Variants in DNTT observed in about 807,000 individuals in gnomAD.
DNTT encodes DNA nucleotidylexotransferase.
In DNTT, 47 loss-of-function variants were observed where a neutral mutation model predicts 60.9. That is an observed-to-expected ratio of 0.77 (90% CI 0.61 to 0.98). The LOEUF is 0.98. Ranked by LOEUF, DNTT falls within the 50% of genes least tolerant of loss-of-function variation. DNTT has a pLI of 0.00. For missense variants in DNTT, 665 were observed against 627.5 expected, an observed-to-expected ratio of 1.06 and a Z score of -0.64; for synonymous variants, 224 against 221.2, an observed-to-expected ratio of 1.01 and a Z score of -0.11.
At chr10:96,315,835 T>A (rs1844779748) in intron 1 of DNTT, among the ~76,000 whole-genome samples, 1 of 152,142 alleles carries the variant, frequency 6.6e-6, no homozygotes, top group African/African-American at 2.4e-5. Context: ...ACACTTCCTA[T>A]TAATCCTTGA....
At chr10:96,322,040 G>A (rs1281792710) in intron 4 of DNTT, among the ~76,000 whole-genome samples, 7 of 152,094 alleles carry the variant, frequency 4.6e-5, no homozygotes, top group South Asian at 2.1e-4. Flanking sequence ...GCAGTGGTGC[G>A]TTTGACATGA....
rs74153626 is a variant in DNTT, at chr10:96,304,707, C to G, written c.203+7C>G. ...GGGTTGAAAATGAGCTCAGGTAGGA[C>G]AGCATCGATCTTGCTTTGTAAATAA... On this transcript the variant is annotated splice_region_variant and intron_variant, in intron 1 of 10. Transcript: ENST00000371174. 4.2e-3 allele frequency: 6,720 copies of G among 1,612,090 alleles called. 250 individuals are homozygous for G. In the African/African-American group the frequency reaches 0.078, roughly 19 times the overall value.
intron 10 of DNTT, among the ~76,000 whole-genome samples, chr10:96,336,498 T>A (rs1049791378): frequency 3.3e-5 from 5 of 152,184 alleles, no homozygotes; most frequent in African/African-American, 1.2e-4. Context: ...GTGGTCATGA[T>A]CCAATTCATC....
intron 9 of DNTT, among the ~76,000 whole-genome samples, chr10:96,332,811 C>G (rs554158864): frequency 1.3e-5 from 2 of 152,302 alleles, no homozygotes; most frequent in South Asian, 4.1e-4. Flanking sequence ...GTCCCCAACA[C>G]CAGCAGCAGC....
chr10:96,307,633 C>T (rs1270710242), intron 1 of DNTT, among the ~76,000 whole-genome samples: 4 of 146,956 alleles, frequency 2.7e-5, no homozygotes, highest in South Asian at 2.1e-4. Context: ...GGATTACAAG[C>T]GTGAGCACCG....
rs1844857352 is a variant in DNTT at position 96,320,601 on chromosome 10, C to G, written c.508-17C>G. ...GCTTGGAAGCAAATCTCCTGCTTAT[C>G]TGGTTTTATCCTGCAGGATGCCTTT... On this transcript the variant is annotated splice_polypyrimidine_tract_variant and intron_variant, in intron 3 of 10. Transcript: ENST00000371174. 3.1e-6 allele frequency: 5 copies of G among 1,611,758 alleles called. No homozygotes were observed. Among genetic ancestry groups the G allele is most frequent in the East Asian group, 2.2e-5 (1 of 44,846 alleles).
At chr10:96,336,940 GAAAAAAAA>G (rs71034371) in intron 10 of DNTT, among the ~76,000 whole-genome samples, 1 of 129,950 alleles carries the variant, frequency 7.7e-6, no homozygotes, top group African/African-American at 2.8e-5. Flanking sequence ...TCTGTGTCAG[GAAAAAAAA>G]AAAAAAAAAA....
rs1845097740 is a variant in DNTT, at chr10:96,338,343, G to T, written c.*119G>T. 1.2e-6 allele frequency: 1 copy of T among 857,280 alleles called. No individual in the cohort carries two copies. 53.1% of individuals were successfully genotyped at this position (857,280 alleles called of 1,614,324 possible). A position where few individuals can be genotyped will look rare whatever the true frequency, so the allele number is the denominator to read the frequency against. ...TTTAGGTCTTATTGAAATGCAGATT[G>T]CTACTAGAAATAAATAACTTTGGAA... On this transcript the variant is annotated 3_prime_UTR_variant, in exon 11 of 11. Transcript: ENST00000371174.
chr10:96,307,743 A>ATG lies in DNTT; in HGVS notation c.203+3056_203+3057dup, dbSNP rs542854533. ...TATATATATATATATAAGCATATAT[A>ATG]TGTGTGTGTGTGTGCATATATATAT... On this transcript the variant is annotated intron_variant, in intron 1 of 10. Coordinates refer to ENST00000371174, the MANE Select transcript of DNTT (RefSeq NM_004088.4). 5.5e-3 allele frequency among the ~76,000 whole-genome samples: 742 copies of ATG among 134,176 alleles called. 11 individuals are homozygous for ATG. The highest frequency in any genetic ancestry group is 0.018 in the African/African-American group (661 of 36,014). 88.0% of individuals were successfully genotyped at this position (134,176 alleles called of 152,430 possible). A position where few individuals can be genotyped will look rare whatever the true frequency, so the allele number is the denominator to read the frequency against.
chr10:96,330,250 A>G (rs893695712), intron 8 of DNTT, among the ~76,000 whole-genome samples: 6 of 151,912 alleles, frequency 3.9e-5, no homozygotes, highest in Non-Finnish European at 7.4e-5. Context: ...AAACCCAATA[A>G]AGAATGGCCC....
At chr10:96,305,786 C>A (rs188883225) in intron 1 of DNTT, among the ~76,000 whole-genome samples, 2 of 152,250 alleles carry the variant, frequency 1.3e-5, no homozygotes, top group Admixed American at 1.3e-4. Context: ...TGTTAATGTT[C>A]GCAACACCCT....
intron 8 of DNTT, among the ~76,000 whole-genome samples, chr10:96,330,446 G>C (rs770715184): frequency 6.6e-6 from 1 of 151,200 alleles, no homozygotes; most frequent in Non-Finnish European, 1.5e-5. Context: ...CTGCTATTCT[G>C]TACTAGTTTC....
At chr10:96,332,638 A>G in intron 9 of DNTT, 42 bp downstream of exon 9, 1 of 1,601,826 alleles carries the variant, frequency 6.2e-7, no homozygotes, top group Non-Finnish European at 8.5e-7. Context: ...TAGCTTTCTG[A>G]AAGACGTAGG....
intron 1 of DNTT, among the ~76,000 whole-genome samples, chr10:96,312,588 T>A (rs915340012): frequency 2.0e-5 from 3 of 152,188 alleles, no homozygotes; most frequent in African/African-American, 7.2e-5. Context: ...GGCAGAGAGA[T>A]CACCCAGCCA....
In DNTT at chr10:96,307,703, GTGTATATA is replaced by G. The variant is rs1308560339; in HGVS notation, c.203+3005_203+3012del. Among the ~76,000 whole-genome samples the G allele has an allele frequency of 1.4e-3, 50 of 35,292 alleles. 1 individual carries two copies. Among genetic ancestry groups the G allele is most frequent in the African/African-American group, 2.7e-3 (31 of 11,572 alleles). The allele number at this position is 35,292 out of a possible 152,430, so 23.2% of individuals were successfully genotyped here. A position where few individuals can be genotyped will look rare whatever the true frequency, so the allele number is the denominator to read the frequency against. ...TATATATATGTATGTGTGTGTGTGT[GTGTATATA>G]TATATATATATATATATATATAAGC... On this transcript the variant is annotated intron_variant, in intron 1 of 10. Transcript: ENST00000371174.
intron 6 of DNTT, among the ~76,000 whole-genome samples, chr10:96,325,217 C>T (rs1213062670): frequency 6.6e-6 from 1 of 152,134 alleles, no homozygotes; most frequent in Admixed American, 6.5e-5. Flanking sequence ...GGAGTCACAG[C>T]CATAGTCCCT....
In DNTT at chr10:96,328,845, G is replaced by A. The variant is rs767014253; in HGVS notation, c.1113+15G>A. ...GGGAAAAGAAGGTGAGAAGAAAGAT[G>A]AAAAATACATGCACACGCAAACATT... On this transcript the variant is annotated intron_variant, in intron 8 of 10. Transcript: ENST00000371174. The A allele has an allele frequency of 6.2e-7, 1 of 1,607,662 alleles. No homozygotes were observed. The highest frequency in any genetic ancestry group is 1.1e-5 in the South Asian group (1 of 89,626).
chr10:96,325,838 T>C (rs1238016856), intron 6 of DNTT, among the ~76,000 whole-genome samples: 1 of 152,226 alleles, frequency 6.6e-6, no homozygotes, highest in Non-Finnish European at 1.5e-5. Context: ...GAAAGGACAG[T>C]TCATGGTCAG....
At chr10:96,323,755 G>T (rs1183119242) in intron 5 of DNTT, among the ~76,000 whole-genome samples, 1 of 152,180 alleles carries the variant, frequency 6.6e-6, no homozygotes, top group African/African-American at 2.4e-5. Flanking sequence ...TGATGTACAG[G>T]CCTAAAATAT....
Sources: allele counts gnomAD v4.1 joint callset (sites outside exome capture counted in the v4.1 genomes callset), GRCh38; gene constraint gnomAD v4.1.1; transcripts MANE v1.5; gene names NCBI Gene and HGNC (gene_info 2026-07-23, HGNC 2026-07-21).